The following PTPRN2 variants were observed in gnomAD, a reference collection of about 807,000 sequenced individuals.
PTPRN2 encodes protein tyrosine phosphatase receptor type N2.
PTPRN2 carries 74 observed loss-of-function variants against 118.8 expected under a neutral mutation model. The ratio of observed to expected loss-of-function variants is 0.62; its 90% CI spans 0.52 to 0.76. PTPRN2 has a LOEUF of 0.76. PTPRN2 is among the 30% of genes least tolerant of loss of function. The pLI is 0.00. For missense variants in PTPRN2, 1,481 were observed against 1,394.4 expected, an observed-to-expected ratio of 1.06 and a Z score of -0.99; for synonymous variants, 641 against 608.0, an observed-to-expected ratio of 1.05 and a Z score of -0.80.
At chr7:158,583,547 C>A (rs1828745955) in intron 1 of PTPRN2, among the ~76,000 whole-genome samples, 1 of 151,974 alleles carries the variant, frequency 6.6e-6, no homozygotes, top group Non-Finnish European at 1.5e-5. Context: ...AGAAGAGCTG[C>A]CAGACGCTAA....
intron 10 of PTPRN2, among the ~76,000 whole-genome samples, chr7:158,102,284 A>G (rs1257098320): frequency 6.6e-6 from 1 of 152,194 alleles, no homozygotes; most frequent in Non-Finnish European, 1.5e-5. Flanking sequence ...CCAGAGGAAA[A>G]TATGGTAAAC....
chr7:157,956,338 C>T (rs1225088825), intron 11 of PTPRN2, among the ~76,000 whole-genome samples: 2 of 152,126 alleles, frequency 1.3e-5, no homozygotes, highest in African/African-American at 4.8e-5. Context: ...CATCTGGGTT[C>T]ATTTGGTGTG....
chr7:157,919,947 C>G (rs13227690), intron 11 of PTPRN2, among the ~76,000 whole-genome samples: 1 of 152,012 alleles, frequency 6.6e-6, no homozygotes, highest in Non-Finnish European at 1.5e-5. Flanking sequence ...AAATGCCTAC[C>G]GCTGTGTTAC....
chr7:158,071,529 CTCGTG>C (rs1811660771), intron 11 of PTPRN2, among the ~76,000 whole-genome samples: 1 of 117,608 alleles, frequency 8.5e-6, no homozygotes, highest in Non-Finnish European at 1.7e-5. Flanking sequence ...GGTGGAGATG[CTCGTG>C]ATGATGGAGG....
At chr7:158,456,166 C>T (rs1818474435) in intron 2 of PTPRN2, among the ~76,000 whole-genome samples, 1 of 150,874 alleles carries the variant, frequency 6.6e-6, no homozygotes, top group Non-Finnish European at 1.5e-5. Flanking sequence ...CCATCAGCCA[C>T]AGCCCCCCAT....
intron 2 of PTPRN2, among the ~76,000 whole-genome samples, chr7:158,472,419 G>A (rs559767149): frequency 7.9e-5 from 12 of 152,134 alleles, no homozygotes; most frequent in African/African-American, 2.4e-4. Flanking sequence ...TGTCAGTGAC[G>A]GTGCAGAAAT....
intron 3 of PTPRN2, among the ~76,000 whole-genome samples, chr7:158,296,958 G>A (rs1470975329): frequency 6.6e-6 from 1 of 152,230 alleles, no homozygotes; most frequent in East Asian, 1.9e-4. Flanking sequence ...AGCTTGGGTG[G>A]TGGAGCAGTT....
intron 10 of PTPRN2, 103 bp from the exon 11 acceptor site, chr7:158,081,480 C>T (rs1585373621): frequency 9.1e-7 from 1 of 1,096,300 alleles, no homozygotes; most frequent in East Asian, 2.4e-5. Flanking sequence ...AAAACGCAAA[C>T]ATCCAAGGCC....
chr7:158,340,378 CAT>C (rs1359927111), intron 2 of PTPRN2, among the ~76,000 whole-genome samples: 1 of 96,590 alleles, frequency 1.0e-5, no homozygotes, highest in East Asian at 3.1e-4. Context: ...CACTCACACC[CAT>C]ACTCTCACCA....
chr7:158,071,048 C>T (rs1425766769), intron 11 of PTPRN2, among the ~76,000 whole-genome samples: 1 of 57,448 alleles, frequency 1.7e-5, no homozygotes. Context: ...TATGGAGGTG[C>T]TCATGGTGGT....
At chr7:158,271,883 T>A (rs1044139960) in intron 3 of PTPRN2, among the ~76,000 whole-genome samples, 1 of 151,638 alleles carries the variant, frequency 6.6e-6, no homozygotes, top group South Asian at 2.1e-4. Flanking sequence ...CCTAACACCA[T>A]GGCCTTGGGT....
chr7:158,397,509 C>A (rs755648374), intron 2 of PTPRN2, among the ~76,000 whole-genome samples: 27 of 152,228 alleles, frequency 1.8e-4, no homozygotes, highest in Non-Finnish European at 3.8e-4. Flanking sequence ...CTGTGCCCTG[C>A]ACCCTCACCT....
chr7:157,947,595 C>A (rs1484991422), intron 11 of PTPRN2, among the ~76,000 whole-genome samples: 1 of 152,178 alleles, frequency 6.6e-6, no homozygotes, highest in Non-Finnish European at 1.5e-5. Flanking sequence ...CCTGTTTTAG[C>A]ACCTTTGGGC....
At chr7:158,313,083 T>C (rs751577176) in intron 3 of PTPRN2, among the ~76,000 whole-genome samples, 14 of 151,998 alleles carry the variant, frequency 9.2e-5, no homozygotes, top group Non-Finnish European at 1.6e-4. Context: ...GGTATCTACA[T>C]GTGAGCATGT....
chr7:158,206,224 A>T (rs1424140567), intron 3 of PTPRN2, among the ~76,000 whole-genome samples: 2 of 152,120 alleles, frequency 1.3e-5, no homozygotes, highest in African/African-American at 4.8e-5. Flanking sequence ...TTATCTTACA[A>T]CTTAGATAAC....
intron 12 of PTPRN2, among the ~76,000 whole-genome samples, chr7:157,820,202 ACAG>A (rs1459972816): frequency 6.7e-6 from 1 of 149,856 alleles, no homozygotes; most frequent in Non-Finnish European, 1.5e-5. Context: ...ATATATGAAC[ACAG>A]CAGACCCACA....
At chr7:157,947,014 G>T (rs898275257) in intron 11 of PTPRN2, among the ~76,000 whole-genome samples, 1 of 152,204 alleles carries the variant, frequency 6.6e-6, no homozygotes. Flanking sequence ...GGCCTGCCCT[G>T]GGTGTGGGCT....
intron 2 of PTPRN2, among the ~76,000 whole-genome samples, chr7:158,395,338 CGCGAGGG>C (rs1812299807): frequency 4.3e-5 from 1 of 23,454 alleles, no homozygotes; most frequent in Non-Finnish European, 7.8e-5. Context: ...AGGGGCGAGG[CGCGAGGG>C]GCCAGGGGCC....
chr7:158,188,315 G>C (rs1825406478), intron 5 of PTPRN2, among the ~76,000 whole-genome samples: 1 of 111,866 alleles, frequency 8.9e-6, no homozygotes, highest in Non-Finnish European at 1.8e-5. Context: ...TATGGGGAAG[G>C]CCGCCACGCT....
Sources: gnomAD v4.1 joint callset for allele counts (sites outside exome capture counted in the v4.1 genomes callset) on GRCh38, gnomAD v4.1.1 for gene constraint, MANE v1.5 for transcripts, NCBI Gene and HGNC (gene_info 2026-07-23, HGNC 2026-07-21) for gene names.